DYM: variants seen among roughly 807,000 people sequenced by gnomAD.
The protein encoded by DYM is dyggve-Melchior-Clausen syndrome protein.
Under a neutral mutation model 93.1 loss-of-function variants are expected in DYM, and 78 were observed. That is an observed-to-expected ratio of 0.84 (90% CI 0.70 to 1.01). The LOEUF is 1.01. DYM is among the 50% of genes least tolerant of loss of function. The probability of loss-of-function intolerance (pLI) is 0.00; values close to 1 mark genes in which losing one functional copy is unlikely to be tolerated. For synonymous variants in DYM, 321 were observed against 319.7 expected, an observed-to-expected ratio of 1.00 and a Z score of -0.04; for missense variants, 789 against 845.0, an observed-to-expected ratio of 0.93 and a Z score of 0.82.
intron 14 of DYM, chr18:49,206,413 C>T (rs2092505994): frequency 6.6e-6 from 1 of 152,204 alleles, no homozygotes; most frequent in Non-Finnish European, 1.5e-5. Context: ...CATGATTGCT[C>T]CATTCAGATA....
chr18:49,213,854 A>G (rs2092908474), intron 13 of DYM, among the ~76,000 whole-genome samples: 1 of 152,236 alleles, frequency 6.6e-6, no homozygotes, highest in Non-Finnish European at 1.5e-5. Flanking sequence ...GAAAATTACC[A>G]AAATTTACTA....
chr18:49,407,867 G>A (rs2071695100), intron 2 of DYM, among the ~76,000 whole-genome samples: 1 of 152,072 alleles, frequency 6.6e-6, no homozygotes, highest in Non-Finnish European at 1.5e-5. Context: ...AGAAACTATG[G>A]GAGCTAAAGA....
intron 17 of DYM, among the ~76,000 whole-genome samples, chr18:49,047,257 T>C (rs1032732123): frequency 3.3e-5 from 5 of 152,232 alleles, no homozygotes; most frequent in Non-Finnish European, 5.9e-5. Flanking sequence ...TTTCAAAAAC[T>C]ACTAGTTCTA....
rs2148791569 is a variant in DYM, at chr18:49,460,639, A to AAGAGGGAAGC, written c.-296_-295insGCTTCCCTCT. 6.6e-6 allele frequency: 1 copy of AAGAGGGAAGC among 151,522 alleles called. No individual in the cohort carries two copies. Among genetic ancestry groups the AAGAGGGAAGC allele is most frequent in the East Asian group, 2.0e-4 (1 of 5,076 alleles). The allele number at this position is 151,522 out of a possible 1,614,324, so 9.4% of individuals were successfully genotyped here. ...TGCGGAGGCCAGGAGGCGGCGAGAGAAGAGGGAAGCGACCGAGAACGCGGC... is the reference window on the plus strand; with the variant it reads ...TGCGGAGGCCAGGAGGCGGCGAGAGAAGAGGGAAGCAGAGGGAAGCGACCGAGAACGCGGC... On this transcript the variant is annotated 5_prime_UTR_variant, in exon 1 of 18. Transcript: ENST00000675505.
At chr18:49,046,585 A>G (rs1378182637) in intron 17 of DYM, among the ~76,000 whole-genome samples, 1 of 152,152 alleles carries the variant, frequency 6.6e-6, no homozygotes, top group Non-Finnish European at 1.5e-5. Flanking sequence ...ATTTTAAAAT[A>G]ACATTTACAG....
chr18:49,308,223 A>G (rs1194219440), intron 8 of DYM, among the ~76,000 whole-genome samples: 1 of 152,106 alleles, frequency 6.6e-6, no homozygotes, highest in Non-Finnish European at 1.5e-5. Flanking sequence ...AATTTTCAGA[A>G]CTCTGAATGC....
chr18:49,058,271 T>A (rs1015045358), intron 17 of DYM, among the ~76,000 whole-genome samples: 1 of 152,036 alleles, frequency 6.6e-6, no homozygotes, highest in African/African-American at 2.4e-5. Context: ...TCATATTTTA[T>A]AACACAGGCT....
At chr18:49,362,058 G>T (rs1370245295) in intron 6 of DYM, among the ~76,000 whole-genome samples, 4 of 150,466 alleles carry the variant, frequency 2.7e-5, no homozygotes, top group Admixed American at 1.3e-4. Context: ...TAGAGACAGG[G>T]TCTCACTATA....
At chr18:49,139,834 ACT>A (rs1210874627) in intron 15 of DYM, among the ~76,000 whole-genome samples, 1 of 151,746 alleles carries the variant, frequency 6.6e-6, no homozygotes, top group Non-Finnish European at 1.5e-5. Context: ...TTGTTTTTTA[ACT>A]CTCAGAACAC....
intron 8 of DYM, among the ~76,000 whole-genome samples, chr18:49,331,063 T>C (rs2063271553): frequency 1.3e-5 from 2 of 152,270 alleles, no homozygotes; most frequent in South Asian, 2.1e-4. Flanking sequence ...AGCTGGAGTG[T>C]AGAGCACGCC....
At chr18:49,223,377 C>T (rs1413610546) in intron 13 of DYM, among the ~76,000 whole-genome samples, 4 of 151,958 alleles carry the variant, frequency 2.6e-5, no homozygotes, top group Non-Finnish European at 5.9e-5. Flanking sequence ...ATAGGATGCA[C>T]ACAAATGGGC....
At chr18:49,257,134 C>T (rs1466690237) in intron 12 of DYM, 30 bp from the exon 13 acceptor site, 48 of 1,519,224 alleles carry the variant, frequency 3.2e-5, no homozygotes, top group Non-Finnish European at 4.4e-5. Flanking sequence ...GTAAAACATA[C>T]AATCAAGTCT....
intron 8 of DYM, chr18:49,329,479 A>G (rs2063161959): frequency 6.6e-6 from 1 of 152,252 alleles, no homozygotes. Context: ...GCAACAAAGT[A>G]ACAGACTCTT....
At position 49,196,417 on chromosome 18, in the gene DYM, T is replaced by A. The variant is rs571519633; in HGVS notation, c.1625+13134A>T. ...CCTATTGAATACCCAAGTATCATAT[T>A]AAGTGCTAGGGATCAGTGGTTACAC... is the stretch of plus-strand genomic sequence containing the variant. On this transcript the variant is annotated intron_variant, in intron 14 of 17. Coordinates refer to ENST00000675505, the MANE Select transcript of DYM (RefSeq NM_001353214.3). Among the ~76,000 whole-genome samples the A allele has an allele frequency of 2.8e-5, 4 of 143,696 alleles. No homozygotes were observed. The East Asian group carries it at 8.1e-4, about 29-fold the overall frequency. The allele number at this position is 143,696 out of a possible 152,430, so 94.3% of individuals were successfully genotyped here. A position where few individuals can be genotyped will look rare whatever the true frequency, so the allele number is the denominator to read the frequency against.
chr18:49,160,021 T>TA (rs1013672159), intron 15 of DYM, among the ~76,000 whole-genome samples: 12 of 151,636 alleles, frequency 7.9e-5, no homozygotes, highest in African/African-American at 1.7e-4. Context: ...TCATTTTTAT[T>TA]AAAAAAAAAT....
intron 15 of DYM, among the ~76,000 whole-genome samples, chr18:49,134,774 T>C (rs560330783): frequency 4.5e-4 from 69 of 152,344 alleles, no homozygotes; most frequent in South Asian, 2.3e-3. Context: ...CTTGGAGTTA[T>C]AAAATCTTGT....
intron 14 of DYM, among the ~76,000 whole-genome samples, chr18:49,164,672 A>G (rs2087638035): frequency 6.6e-6 from 1 of 152,248 alleles, no homozygotes; most frequent in Admixed American, 6.5e-5. Flanking sequence ...TGTGCAGAGC[A>G]AGACTCCACA....
At chr18:49,186,924 T>TC (rs2145598371) in intron 14 of DYM, among the ~76,000 whole-genome samples, 1 of 104,844 alleles carries the variant, frequency 9.5e-6, no homozygotes, top group East Asian at 3.4e-4. Context: ...AATCTTCTTT[T>TC]TTTTTTTTTT....
chr18:49,057,058 T>C (rs1303313954), intron 17 of DYM, among the ~76,000 whole-genome samples: 1 of 152,234 alleles, frequency 6.6e-6, no homozygotes, highest in East Asian at 1.9e-4. Context: ...TCTCAGTGTG[T>C]TAGCAATGTA....
Sources: gnomAD v4.1 joint callset for allele counts (sites outside exome capture counted in the v4.1 genomes callset) on GRCh38, gnomAD v4.1.1 for gene constraint, MANE v1.5 for transcripts, NCBI Gene and HGNC (gene_info 2026-07-23, HGNC 2026-07-21) for gene names.